Variants in TNRC18 observed in about 807,000 individuals in gnomAD.
The protein encoded by TNRC18 is trinucleotide repeat containing 18.
TNRC18 carries 69 observed loss-of-function variants against 226.7 expected under a neutral mutation model. The observed-to-expected ratio is 0.30, with a 90% CI of 0.25 to 0.37. TNRC18 has a LOEUF of 0.37. Among genes scored for constraint, TNRC18 ranks in the 10% least tolerant of loss-of-function variants. TNRC18 has a pLI of 1.00. For synonymous variants in TNRC18, 2,449 were observed against 1,927.6 expected, an observed-to-expected ratio of 1.27 and a Z score of -7.09; for missense variants, 4,754 against 4,256.6, an observed-to-expected ratio of 1.12 and a Z score of -3.25.
In TNRC18 at chr7:5,307,925, C is replaced by CGTGCACACACGTGCAT; in HGVS notation, c.*165_*180dup. On this transcript the variant is annotated 3_prime_UTR_variant, in exon 30 of 30. Transcript: ENST00000430969. ...GTGGGGCTGGAGGCATGTGCACATG[C>CGTGCACACACGTGCAT]GTGCACACACGTGCATGCACACACA... 1.6e-6 allele frequency: 1 copy of CGTGCACACACGTGCAT among 616,320 alleles called. No individual in the cohort carries two copies. The highest frequency in any genetic ancestry group is 2.8e-5 in the East Asian group (1 of 36,198). The allele number at this position is 616,320 out of a possible 1,614,324, so 38.2% of individuals were successfully genotyped here.
chr7:5,391,603 A>G (rs1780303690), intron 3 of TNRC18, among the ~76,000 whole-genome samples: 1 of 151,730 alleles, frequency 6.6e-6, no homozygotes, highest in Admixed American at 6.6e-5. Flanking sequence ...GAGCCACCAC[A>G]TCCGGCTCAG....
Position 5,388,816 on chromosome 7 carries a change from G to A in TNRC18, c.1008C>T (p.Pro336=), listed in dbSNP as rs1275924320. 13 of 1,190,826 alleles carry A rather than the reference G, an allele frequency of 1.1e-5. No individual in the cohort carries two copies. The highest frequency in any genetic ancestry group is 4.8e-5 in the Admixed American group (1 of 20,850). The allele number at this position is 1,190,826 out of a possible 1,614,324, so 73.8% of individuals were successfully genotyped here. ...PGPRPCPSPL[P]PPPAPPKGPP... is the part of the protein sequence containing the mutation. Reference sequence around the variant, plus strand: ...GCCCCTTGGGGGGCGCGGGCGGCGGGGGCAGCGGTGAGGGGCAGGGGCGCG... The same window carrying A: ...GCCCCTTGGGGGGCGCGGGCGGCGGAGGCAGCGGTGAGGGGCAGGGGCGCG... The change falls in exon 5 of 30, where the codon CCC becomes CCT. Residue 336 remains proline (P), a synonymous_variant. Coordinates refer to ENST00000430969, the MANE Select transcript of TNRC18 (RefSeq NM_001080495.3).
chr7:5,343,480 T>C (rs927036146), intron 18 of TNRC18, among the ~76,000 whole-genome samples: 4 of 152,232 alleles, frequency 2.6e-5, no homozygotes, highest in Non-Finnish European at 5.9e-5. Flanking sequence ...TTCAGTGCAG[T>C]GGCGCATTCT....
intron 17 of TNRC18, among the ~76,000 whole-genome samples, chr7:5,350,192 C>G (rs895558544): frequency 6.6e-6 from 1 of 150,900 alleles, no homozygotes; most frequent in Non-Finnish European, 1.5e-5. Context: ...ACGGACAGCC[C>G]GGGCAGGGGG....
rs554158550 is a variant in TNRC18 at position 5,308,848 on chromosome 7, CCCA to C, written c.8700+24_8700+26del. On this transcript the variant is annotated intron_variant, in intron 29 of 29. Transcript: ENST00000430969. ...GAAGGAAGCAGCCATCCCCAACCCG[CCCA>C]CCACCACCACCACCACCACCTACCT... The C allele has an allele frequency of 4.1e-3, 5,318 of 1,295,238 alleles. 1 individual carries two copies. The highest frequency in any genetic ancestry group is 4.3e-3 in the Non-Finnish European group (4,090 of 947,272). 80.2% of individuals were successfully genotyped at this position (1,295,238 alleles called of 1,614,324 possible).
chr7:5,351,985 G>T lies in TNRC18; in HGVS notation c.5304C>A (p.Asn1768Lys). 6.2e-7 allele frequency: 1 copy of T among 1,614,016 alleles called. No individual in the cohort carries two copies. Among genetic ancestry groups the T allele is most frequent in the African/African-American group, 1.3e-5 (1 of 75,066 alleles). Reference sequence around the variant, plus strand: ...GCTTGGGGCCACCAGCTGCCTTGCTGTTCTTTGCCACCATGCTACACAGGA... The same window carrying T: ...GCTTGGGGCCACCAGCTGCCTTGCTTTTCTTTGCCACCATGCTACACAGGA... ...PSLLCSMVAK[N>K]SKAAGGPKLT... The change falls in exon 17 of 30, where the codon AAC becomes AAA. Residue 1768 changes from asparagine (N) to lysine (K), a missense_variant. Coordinates refer to ENST00000430969, the MANE Select transcript of TNRC18 (RefSeq NM_001080495.3).
At chr7:5,342,733 G>A (rs866486987) in intron 18 of TNRC18, among the ~76,000 whole-genome samples, 9 of 152,246 alleles carry the variant, frequency 5.9e-5, no homozygotes, top group Non-Finnish European at 1.0e-4. Flanking sequence ...AAGCTTAGCC[G>A]ATAAAGCAGC....
At chr7:5,308,465 C>G in intron 29 of TNRC18, among the ~76,000 whole-genome samples, 153 bp from the exon 30 acceptor site, 1 of 150,990 alleles carries the variant, frequency 6.6e-6, no homozygotes, top group East Asian at 1.9e-4. Context: ...AGAGACAGAC[C>G]AACAAAAGAG....
chr7:5,345,517 G>GGGGGGGGGCCCCCCCCCCCCC, intron 18 of TNRC18, 45 bp downstream of exon 18: 11 of 377,728 alleles, frequency 2.9e-5, no homozygotes, highest in East Asian at 4.6e-5. Context: ...AATGGCGTCC[G>GGGGGGGGGCCCCCCCCCCCCC]CCCCTCCCAC....
chr7:5,366,363 C>G (rs1292063073), intron 11 of TNRC18, among the ~76,000 whole-genome samples: 1 of 115,036 alleles, frequency 8.7e-6, no homozygotes, highest in Non-Finnish European at 1.6e-5. Flanking sequence ...GAATCTCACT[C>G]TGTCGCCCAG....
chr7:5,342,353 G>A (rs560070687), intron 18 of TNRC18, among the ~76,000 whole-genome samples: 20 of 151,984 alleles, frequency 1.3e-4, no homozygotes, highest in Non-Finnish European at 2.1e-4. Flanking sequence ...CGCTTGAACT[G>A]GGGAGGCGGA....
intron 5 of TNRC18, among the ~76,000 whole-genome samples, chr7:5,387,047 C>G (rs559358840): frequency 8.5e-5 from 13 of 152,138 alleles, no homozygotes; most frequent in Admixed American, 2.0e-4. Flanking sequence ...GGACTCCAGC[C>G]TGGGCAACAA....
intron 5 of TNRC18, among the ~76,000 whole-genome samples, chr7:5,383,066 T>C (rs992391855): frequency 2.1e-5 from 3 of 142,066 alleles, no homozygotes; most frequent in African/African-American, 9.1e-5. Context: ...GGATGATTTA[T>C]TTTTATTTTT....
At chr7:5,372,421 C>A (rs1280103840) in intron 10 of TNRC18, among the ~76,000 whole-genome samples, 1 of 151,364 alleles carries the variant, frequency 6.6e-6, no homozygotes, top group Non-Finnish European at 1.5e-5. Context: ...CGGGGATTCA[C>A]CATGTTGGTC....
At chr7:5,412,850 T>C (rs1310961917) in intron 2 of TNRC18, among the ~76,000 whole-genome samples, 2 of 152,186 alleles carry the variant, frequency 1.3e-5, no homozygotes, top group African/African-American at 4.8e-5. Context: ...GGTGAAGATG[T>C]GGGAAGTCAG....
At chr7:5,365,182 C>T (rs966680815) in intron 11 of TNRC18, among the ~76,000 whole-genome samples, 4 of 152,162 alleles carry the variant, frequency 2.6e-5, no homozygotes, top group African/African-American at 7.2e-5. Flanking sequence ...CACCATCACA[C>T]GTCACCACAG....
At chr7:5,387,319 G>C (rs1214212262) in intron 5 of TNRC18, among the ~76,000 whole-genome samples, 1 of 152,174 alleles carries the variant, frequency 6.6e-6, no homozygotes, top group Non-Finnish European at 1.5e-5. Flanking sequence ...AATCGGTAAG[G>C]CACAGTTAGG....
rs372993868 is a variant in TNRC18 at position 5,313,796 on chromosome 7, C to T, written c.7095G>A (p.Glu2365=). 2,833 of 1,531,638 alleles carry T rather than the reference C, an allele frequency of 1.8e-3. 5 individuals are homozygous for T. Among genetic ancestry groups the T allele is most frequent in the Non-Finnish European group, 2.3e-3 (2,599 of 1,139,906 alleles). 94.9% of individuals were successfully genotyped at this position (1,531,638 alleles called of 1,614,324 possible). ...TCTTGGAACCTGGGGTGCTGCTCGG[C>T]TCCAGGGCTAAGGGGGTACTGGGGA... The part of the protein sequence containing the change: ...DEVPSTPLAL[E]PSSTPGSKKS... The change falls in exon 27 of 30, where the codon GAG becomes GAA. Residue 2365 remains glutamate, a synonymous_variant. Transcript: ENST00000430969.
chr7:5,400,276 G>C (rs977158757), intron 2 of TNRC18, among the ~76,000 whole-genome samples: 1 of 152,056 alleles, frequency 6.6e-6, no homozygotes, highest in Non-Finnish European at 1.5e-5. Flanking sequence ...GTCAGAGTCC[G>C]TGTCTGCTTC....
Sources: allele counts gnomAD v4.1 joint callset (sites outside exome capture counted in the v4.1 genomes callset), GRCh38; gene constraint gnomAD v4.1.1; transcripts MANE v1.5; gene names NCBI Gene and HGNC (gene_info 2026-07-23, HGNC 2026-07-21).